Variants in FOXN3 observed in about 807,000 individuals in gnomAD.
FOXN3 encodes forkhead box protein N3.
A neutral mutation model predicts 38.4 loss-of-function variants in FOXN3; 7 were observed. The ratio of observed to expected loss-of-function variants is 0.18; its 90% CI spans 0.10 to 0.34. The LOEUF is 0.34. FOXN3 is among the 10% of genes least tolerant of loss of function. The pLI, the probability that FOXN3 is intolerant of heterozygous loss-of-function variation, is 1.00. For synonymous variants in FOXN3, 230 were observed against 242.2 expected (o/e 0.95, Z 0.47); for missense variants, 456 against 613.4 (o/e 0.74, Z 2.71).
chr14:89,208,437 A>G (rs530064200), intron 4 of FOXN3, among the ~76,000 whole-genome samples: 1 of 152,230 alleles, frequency 6.6e-6, no homozygotes, highest in Non-Finnish European at 1.5e-5. Context: ...CAACGACTCA[A>G]ATTAATATGC....
intron 2 of FOXN3, among the ~76,000 whole-genome samples, chr14:89,404,679 T>C (rs752594884): frequency 5.9e-5 from 9 of 151,860 alleles, no homozygotes; most frequent in Admixed American, 1.3e-4. Flanking sequence ...TGAGGTGACA[T>C]AGCCTATAGC....
intron 1 of FOXN3, among the ~76,000 whole-genome samples, chr14:89,526,185 C>T (rs1312068349): frequency 1.3e-5 from 2 of 152,142 alleles, no homozygotes; most frequent in Non-Finnish European, 2.9e-5. Context: ...GGACTGAATG[C>T]TTCCCCTGTA....
rs112289276 is a variant in FOXN3 at position 89,265,742 on chromosome 14, G to A, written c.745+15208C>T. Among the ~76,000 whole-genome samples, 787 of 152,322 alleles carry A rather than the reference G, an allele frequency of 5.2e-3. 7 individuals carry two copies. The highest frequency in any genetic ancestry group is 0.017 in the African/African-American group (716 of 41,568). Reference sequence around the variant, plus strand: ...TAAGTGGAAGGTCCAAGGCCAGACTGCAGATCGTCCTACTTGAGACTCTTT... The same window carrying A: ...TAAGTGGAAGGTCCAAGGCCAGACTACAGATCGTCCTACTTGAGACTCTTT... On this transcript the variant is annotated intron_variant, in intron 4 of 5. Transcript: ENST00000557258.
chr14:89,568,407 T>C (rs1365587629), intron 1 of FOXN3, among the ~76,000 whole-genome samples: 1 of 152,096 alleles, frequency 6.6e-6, no homozygotes, highest in Non-Finnish European at 1.5e-5. Flanking sequence ...ACCTCCTCCC[T>C]GCCCCTGACC....
chr14:89,363,987 TA>T (rs1179570157), intron 2 of FOXN3, among the ~76,000 whole-genome samples: 57 of 67,142 alleles, frequency 8.5e-4, no homozygotes, highest in African/African-American at 3.3e-3. Flanking sequence ...TATATATATA[TA>T]ATATATATAT....
intron 1 of FOXN3, among the ~76,000 whole-genome samples, chr14:89,504,556 A>G (rs2139794101): frequency 6.6e-6 from 1 of 152,292 alleles, no homozygotes; most frequent in East Asian, 1.9e-4. Context: ...AGAAGGCCAC[A>G]GTAAGGCCCA....
At chr14:89,305,298 C>T (rs1275769290) in intron 3 of FOXN3, among the ~76,000 whole-genome samples, 3 of 152,160 alleles carry the variant, frequency 2.0e-5, no homozygotes, top group Non-Finnish European at 4.4e-5. Flanking sequence ...CAGAACCCAT[C>T]GTTCAACAAA....
At chr14:89,551,395 T>C (rs1222327491) in intron 1 of FOXN3, among the ~76,000 whole-genome samples, 2 of 151,974 alleles carry the variant, frequency 1.3e-5, no homozygotes, top group East Asian at 1.9e-4. Flanking sequence ...CCATCCACTA[T>C]CCCTTCAACC....
At chr14:89,449,865 C>T (rs1365498383) in intron 1 of FOXN3, among the ~76,000 whole-genome samples, 1 of 152,098 alleles carries the variant, frequency 6.6e-6, no homozygotes, top group Non-Finnish European at 1.5e-5. Flanking sequence ...CAGAACACTG[C>T]CCTTTTAAAG....
chr14:89,341,279 T>C (rs1168156809), intron 3 of FOXN3, among the ~76,000 whole-genome samples: 1 of 152,186 alleles, frequency 6.6e-6, no homozygotes, highest in African/African-American at 2.4e-5. Context: ...CTGTTCTGTC[T>C]TGACCCCAAA....
At chr14:89,347,430 AACAGACCCTCCCTC>A (rs1391562587) in intron 3 of FOXN3, among the ~76,000 whole-genome samples, 2 of 152,216 alleles carry the variant, frequency 1.3e-5, no homozygotes, top group Non-Finnish European at 2.9e-5. Flanking sequence ...AGAGGGGTGG[AACAGACCCTCCCTC>A]ACAGCCCACA....
At chr14:89,288,225 A>G (rs1886696364) in intron 3 of FOXN3, among the ~76,000 whole-genome samples, 1 of 152,172 alleles carries the variant, frequency 6.6e-6, no homozygotes, top group Non-Finnish European at 1.5e-5. Context: ...TCAGACCACA[A>G]CCAACCAGGC....
intron 1 of FOXN3, among the ~76,000 whole-genome samples, chr14:89,542,539 G>A (rs1235746660): frequency 6.6e-6 from 1 of 152,148 alleles, no homozygotes; most frequent in East Asian, 1.9e-4. Flanking sequence ...AGTCAAGTTC[G>A]TCATTGCTTT....
intron 1 of FOXN3, among the ~76,000 whole-genome samples, chr14:89,572,736 T>C (rs529284510): frequency 6.6e-6 from 1 of 152,304 alleles, no homozygotes; most frequent in African/African-American, 2.4e-5. Context: ...AGGTGACAAA[T>C]TTTATTTCTG....
At chr14:89,266,205 G>T (rs1885973603) in intron 4 of FOXN3, among the ~76,000 whole-genome samples, 1 of 152,220 alleles carries the variant, frequency 6.6e-6, no homozygotes, top group Non-Finnish European at 1.5e-5. Context: ...CTGGAGGCTA[G>T]AAGTCCGACA....
intron 1 of FOXN3, among the ~76,000 whole-genome samples, chr14:89,545,901 C>A (rs1444378192): frequency 6.6e-6 from 1 of 152,146 alleles, no homozygotes; most frequent in Non-Finnish European, 1.5e-5. Context: ...TCCATGGAAC[C>A]TTCTCTACTC....
chr14:89,196,581 A>T (rs1483756309), intron 4 of FOXN3, among the ~76,000 whole-genome samples: 1 of 152,090 alleles, frequency 6.6e-6, no homozygotes, highest in Non-Finnish European at 1.5e-5. Context: ...AGAGCTACGG[A>T]TTCCAAGGAA....
chr14:89,304,461 G>A (rs954684492), intron 3 of FOXN3, among the ~76,000 whole-genome samples: 3 of 152,080 alleles, frequency 2.0e-5, no homozygotes, highest in African/African-American at 7.2e-5. Context: ...CAGGAGAGGC[G>A]GCAAAGATCA....
At chr14:89,579,356 A>G (rs1392007015) in intron 1 of FOXN3, among the ~76,000 whole-genome samples, 1 of 150,300 alleles carries the variant, frequency 6.7e-6, no homozygotes, top group Non-Finnish European at 1.5e-5. Context: ...GGGTCTCACT[A>G]TGTTGCCCAG....
Sources: gnomAD v4.1 joint callset for allele counts (sites outside exome capture counted in the v4.1 genomes callset) on GRCh38, gnomAD v4.1.1 for gene constraint, MANE v1.5 for transcripts, NCBI Gene and HGNC (gene_info 2026-07-23, HGNC 2026-07-21) for gene names.